Variants in ACYP2 observed in about 807,000 individuals in gnomAD.
ACYP2 encodes the protein acylphosphatase 2, also known as acylphosphatase-2.
In ACYP2, 12 loss-of-function variants were observed where a neutral mutation model predicts 11.2. The observed-to-expected ratio is 1.08, with a 90% CI of 0.69 to 1.74. The LOEUF is 1.74. ACYP2 is among the 40% of genes most tolerant of loss of function. The pLI is 0.00. For synonymous variants in ACYP2, 43 were observed against 32.2 expected (o/e 1.33, Z -1.13); for missense variants, 134 against 101.9 (o/e 1.31, Z -1.35).
rs377271771 is a variant in ACYP2, at chr2:54,013,729, G to GA, written c.63-37215dup. On this transcript the variant is annotated intron_variant, in intron 2 of 6. Transcript: ENST00000607452. ...GAGAAGCACTACAAGAGAGAAAAAA[G>GA]AAAAAAAAAAAAAAGAGAGAGAGAG... 2.8e-3 allele frequency among the ~76,000 whole-genome samples: 285 copies of GA among 101,354 alleles called. 1 individual carries two copies. The highest frequency in any genetic ancestry group is 6.0e-3 in the African/African-American group (172 of 28,784). 66.5% of individuals were successfully genotyped at this position (101,354 alleles called of 152,430 possible).
Position 54,295,836 on chromosome 2 carries a change from C to T in ACYP2, c.405-8852C>T, listed in dbSNP as rs577485278. 1.1e-4 allele frequency among the ~76,000 whole-genome samples: 16 copies of T among 152,162 alleles called. No individual in the cohort carries two copies. The South Asian group carries it at 3.3e-3, about 32-fold the overall frequency. Reference sequence around the variant, plus strand: ...AGTGCAGTGGCGCGATCTCGGCTCACTGCAACCTCCGCCTCCCGGGTTCAA... The same window carrying T: ...AGTGCAGTGGCGCGATCTCGGCTCATTGCAACCTCCGCCTCCCGGGTTCAA... On this transcript the variant is annotated intron_variant, in intron 6 of 6. Coordinates refer to ENST00000607452, the MANE Select transcript of ACYP2 (RefSeq NM_001320586.2).
chr2:54,112,232 G>C lies in ACYP2; in HGVS notation c.278-23221G>C, dbSNP rs535794167. On this transcript the variant is annotated intron_variant, in intron 4 of 6. Coordinates refer to ENST00000607452, the MANE Select transcript of ACYP2 (RefSeq NM_001320586.2). ...CAATTGTCTTAAAGGGTTCAAAGAA[G>C]GGAATTAACAGGTTTTAATTTCAAC... Among the ~76,000 whole-genome samples, 48 of 152,096 alleles carry C rather than the reference G, an allele frequency of 3.2e-4. 1 individual carries two copies. Among genetic ancestry groups the C allele is most frequent in the Admixed American group, 5.2e-4 (8 of 15,266 alleles).
rs372025284 is a variant in ACYP2 at position 54,255,926 on chromosome 2, C to T, written c.405-48762C>T. 22 of 1,613,992 alleles carry T rather than the reference C, an allele frequency of 1.4e-5. No individual in the cohort carries two copies. In the African/African-American group the frequency reaches 2.7e-4, roughly 20 times the overall value. ...ATGGCTCCATGACTGCGACCCGCATCGACCAAGATGTGGAAAGTATGGCCA... is the reference window on the plus strand; with the variant it reads ...ATGGCTCCATGACTGCGACCCGCATTGACCAAGATGTGGAAAGTATGGCCA... On this transcript the variant is annotated intron_variant, in intron 6 of 6. Transcript: ENST00000607452.
At chr2:54,129,469 T>A (rs930530447) in intron 4 of ACYP2, among the ~76,000 whole-genome samples, 2 of 151,992 alleles carry the variant, frequency 1.3e-5, no homozygotes, top group Non-Finnish European at 2.9e-5. Flanking sequence ...ATTTCAACAT[T>A]TAGGATTATA....
intron 6 of ACYP2, among the ~76,000 whole-genome samples, chr2:54,275,776 T>G (rs1457216026): frequency 1.3e-5 from 2 of 152,232 alleles, no homozygotes; most frequent in Non-Finnish European, 2.9e-5. Flanking sequence ...AGTCAGCACG[T>G]ATTGCTTTAT....
chr2:54,040,877 A>G (rs1370194962), intron 2 of ACYP2, among the ~76,000 whole-genome samples: 2 of 152,118 alleles, frequency 1.3e-5, no homozygotes, highest in African/African-American at 4.8e-5. Flanking sequence ...TGGAGGTAGT[A>G]GCTGAAAGAG....
At chr2:53,988,435 C>G (rs1672129455) in intron 2 of ACYP2, among the ~76,000 whole-genome samples, 1 of 152,142 alleles carries the variant, frequency 6.6e-6, no homozygotes, top group South Asian at 2.1e-4. Flanking sequence ...GGGTCTTGCT[C>G]TGTCACCCAG....
At chr2:54,069,122 G>A (rs1382257897) in intron 4 of ACYP2, among the ~76,000 whole-genome samples, 1 of 151,812 alleles carries the variant, frequency 6.6e-6, no homozygotes, top group African/African-American at 2.4e-5. Context: ...GTAGAGATGA[G>A]GTCTCACTTT....
chr2:54,229,670 T>C (rs1686150972), intron 6 of ACYP2, among the ~76,000 whole-genome samples: 1 of 152,218 alleles, frequency 6.6e-6, no homozygotes, highest in Non-Finnish European at 1.5e-5. Flanking sequence ...TGTTTATCCA[T>C]TGCCTCCATA....
In ACYP2 at chr2:54,140,895, A is replaced by T. The variant is rs551837142; in HGVS notation, c.404+2147A>T. 5.0e-4 allele frequency among the ~76,000 whole-genome samples: 76 copies of T among 152,290 alleles called. 1 individual carries two copies. In the South Asian group the frequency reaches 0.015, roughly 31 times the overall value. Reference sequence around the variant, plus strand: ...AGTGGCTATGTATTTTTAATGTAAAAATATTTGTCAGACTGCTTTACAAAA... The same window carrying T: ...AGTGGCTATGTATTTTTAATGTAAATATATTTGTCAGACTGCTTTACAAAA... On this transcript the variant is annotated intron_variant, in intron 6 of 6. Coordinates refer to ENST00000607452, the MANE Select transcript of ACYP2 (RefSeq NM_001320586.2).
rs537185208 is a variant in ACYP2 at position 54,290,036 on chromosome 2, T to G, written c.405-14652T>G. ...CGGTTCTTGTGTCGTTAGCCGCCTTTCCATCCCACCTTGGCGCTATTCTTT... is the reference window on the plus strand; with the variant it reads ...CGGTTCTTGTGTCGTTAGCCGCCTTGCCATCCCACCTTGGCGCTATTCTTT... On this transcript the variant is annotated intron_variant, in intron 6 of 6. Coordinates refer to ENST00000607452, the MANE Select transcript of ACYP2 (RefSeq NM_001320586.2). Among the ~76,000 whole-genome samples, 3 of 152,194 alleles carry G rather than the reference T, an allele frequency of 2.0e-5. No individual in the cohort carries two copies. In the South Asian group the frequency reaches 6.2e-4, roughly 32 times the overall value.
intron 6 of ACYP2, among the ~76,000 whole-genome samples, chr2:54,252,580 A>G (rs1400742838): frequency 6.6e-6 from 1 of 151,970 alleles, no homozygotes; most frequent in Non-Finnish European, 1.5e-5. Flanking sequence ...TTTTTCAGTG[A>G]CATGCTTCAA....
At chr2:54,003,319 G>T (rs554739095) in intron 2 of ACYP2, among the ~76,000 whole-genome samples, 1 of 151,904 alleles carries the variant, frequency 6.6e-6, no homozygotes, top group Admixed American at 6.6e-5. Flanking sequence ...GGGTGCAATG[G>T]CGTGATCTTG....
chr2:54,224,634 C>T (rs1158676132), intron 6 of ACYP2, among the ~76,000 whole-genome samples: 1 of 152,208 alleles, frequency 6.6e-6, no homozygotes, highest in Non-Finnish European at 1.5e-5. Context: ...AGTTCTTAAT[C>T]CAGTCTGAGG....
chr2:54,151,530 G>C (rs1235842689), intron 6 of ACYP2, among the ~76,000 whole-genome samples: 1 of 152,068 alleles, frequency 6.6e-6, no homozygotes, highest in African/African-American at 2.4e-5. Context: ...AAACATAGAA[G>C]GTATTTTTTT....
At chr2:54,191,555 T>G (rs1684240652) in intron 6 of ACYP2, among the ~76,000 whole-genome samples, 1 of 151,986 alleles carries the variant, frequency 6.6e-6, no homozygotes, top group African/African-American at 2.4e-5. Flanking sequence ...GAGCCTCAGT[T>G]TTCTCATCTA....
At chr2:54,135,910 A>G (rs72906797) in intron 5 of ACYP2, among the ~76,000 whole-genome samples, 2,772 of 152,286 alleles carry the variant, frequency 0.018, 86 homozygotes, top group African/African-American at 0.063. Flanking sequence ...TTATTTATTT[A>G]GTTTGGAGAC....
intron 6 of ACYP2, among the ~76,000 whole-genome samples, chr2:54,209,632 G>A (rs1031181140): frequency 3.3e-5 from 5 of 152,120 alleles, no homozygotes; most frequent in Admixed American, 1.3e-4. Context: ...TGTTGGCACC[G>A]TCCTATCTCT....
At chr2:54,258,139 A>G (rs552549393) in intron 6 of ACYP2, among the ~76,000 whole-genome samples, 27 of 152,302 alleles carry the variant, frequency 1.8e-4, no homozygotes, top group African/African-American at 6.5e-4. Flanking sequence ...GAGAAAGATA[A>G]TAACAAGAAA....
Sources: gnomAD v4.1 joint callset for allele counts (sites outside exome capture counted in the v4.1 genomes callset) on GRCh38, gnomAD v4.1.1 for gene constraint, MANE v1.5 for transcripts, NCBI Gene and HGNC (gene_info 2026-07-23, HGNC 2026-07-21) for gene names.